NAALADL2: variants seen among roughly 807,000 people sequenced by gnomAD.
The protein encoded by NAALADL2 is N-acetylated alpha-linked acidic dipeptidase like 2.
Under a neutral mutation model 87.2 loss-of-function variants are expected in NAALADL2, and 76 were observed. The observed-to-expected ratio is 0.87, with a 90% CI of 0.72 to 1.05. The LOEUF is 1.05. Among genes scored for constraint, NAALADL2 ranks in the 50% least tolerant of loss-of-function variants. The probability of loss-of-function intolerance (pLI) is 0.00; values close to 1 mark genes in which losing one functional copy is unlikely to be tolerated. For missense variants in NAALADL2, 1,089 were observed against 945.8 expected (o/e 1.15, Z -1.99); for synonymous variants, 354 against 331.0 (o/e 1.07, Z -0.75).
At chr3:174,992,163 A>C (rs1440469384) in intron 1 of NAALADL2, among the ~76,000 whole-genome samples, 1 of 152,058 alleles carries the variant, frequency 6.6e-6, no homozygotes, top group African/African-American at 2.4e-5. Context: ...CAAATTAAGA[A>C]CAATCAGGAT....
At chr3:174,751,806 G>C (rs1265290387) in intron 3 of NAALADL2, among the ~76,000 whole-genome samples, 1 of 151,906 alleles carries the variant, frequency 6.6e-6, no homozygotes, top group African/African-American at 2.4e-5. Flanking sequence ...TTTGACTTAG[G>C]ATATTTCCTA....
intron 2 of NAALADL2, among the ~76,000 whole-genome samples, chr3:174,721,797 T>A (rs1165524029): frequency 6.6e-6 from 1 of 151,910 alleles, no homozygotes; most frequent in Non-Finnish European, 1.5e-5. Context: ...CCAGCTGGAG[T>A]GTGCAAGGGT....
chr3:175,794,205 G>A (rs1753171899), intron 13 of NAALADL2, among the ~76,000 whole-genome samples: 1 of 152,078 alleles, frequency 6.6e-6, no homozygotes, highest in Admixed American at 6.5e-5. Flanking sequence ...TGTCTTTGGA[G>A]GTTGACAGGT....
chr3:174,956,870 G>A (rs932748438), intron 1 of NAALADL2, among the ~76,000 whole-genome samples: 16 of 152,024 alleles, frequency 1.1e-4, no homozygotes, highest in African/African-American at 2.9e-4. Context: ...AAACAGAACA[G>A]TATTTTGCAG....
intron 9 of NAALADL2, among the ~76,000 whole-genome samples, chr3:175,496,280 CTTGTA>C (rs1424546903): frequency 6.6e-6 from 1 of 151,740 alleles, no homozygotes; most frequent in East Asian, 1.9e-4. Context: ...AACTTTAAGA[CTTGTA>C]TTATATTTTG....
chr3:174,588,964 T>C (rs1046449591), intron 2 of NAALADL2, among the ~76,000 whole-genome samples: 2 of 152,084 alleles, frequency 1.3e-5, no homozygotes, highest in Admixed American at 6.5e-5. Context: ...AGCTATGCCC[T>C]GCCCCCAGAG....
intron 3 of NAALADL2, among the ~76,000 whole-genome samples, chr3:174,848,147 A>C (rs938324669): frequency 6.6e-6 from 1 of 152,096 alleles, no homozygotes; most frequent in Non-Finnish European, 1.5e-5. Context: ...AAAGTTGTGT[A>C]ATTCAATGTA....
intron 1 of NAALADL2, among the ~76,000 whole-genome samples, chr3:174,466,832 T>A (rs965040561): frequency 1.3e-5 from 2 of 152,176 alleles, no homozygotes; most frequent in African/African-American, 4.8e-5. Flanking sequence ...AGACATTTGT[T>A]TACCCATATT....
chr3:174,894,311 C>G (rs1731225042), intron 1 of NAALADL2, among the ~76,000 whole-genome samples: 1 of 152,200 alleles, frequency 6.6e-6, no homozygotes, highest in Non-Finnish European at 1.5e-5. Flanking sequence ...GAAAATCAGG[C>G]CGGGCACAAT....
chr3:175,573,825 G>C (rs1718454539), intron 9 of NAALADL2, among the ~76,000 whole-genome samples: 1 of 152,106 alleles, frequency 6.6e-6, no homozygotes, highest in South Asian at 2.1e-4. Flanking sequence ...TGCTGGTGGG[G>C]GGTGGGGGTC....
At chr3:174,787,620 T>TATATATATATATACAC (rs1489900205) in intron 3 of NAALADL2, among the ~76,000 whole-genome samples, 2 of 117,504 alleles carry the variant, frequency 1.7e-5, no homozygotes, top group East Asian at 2.5e-4. Flanking sequence ...TATATATATA[T>TATATATATATATACAC]AGTAGTGACT....
chr3:175,252,156 C>T (rs1407715942), intron 3 of NAALADL2, among the ~76,000 whole-genome samples: 1 of 152,082 alleles, frequency 6.6e-6, no homozygotes, highest in Non-Finnish European at 1.5e-5. Context: ...TGTGTTTCAC[C>T]TTAGGGTGCT....
At chr3:174,801,418 G>A (rs1660299823) in intron 3 of NAALADL2, among the ~76,000 whole-genome samples, 1 of 152,200 alleles carries the variant, frequency 6.6e-6, no homozygotes, top group Non-Finnish European at 1.5e-5. Flanking sequence ...CTTCAGCCAT[G>A]ATTGTGAGAC....
At position 175,570,342 on chromosome 3, in the gene NAALADL2, T is replaced by G. The variant is rs1717866286; in HGVS notation, c.1654-5699T>G. Among the ~76,000 whole-genome samples, 3 of 152,130 alleles carry G rather than the reference T, an allele frequency of 2.0e-5. No homozygotes were observed. The South Asian group carries it at 6.2e-4, about 32-fold the overall frequency. ...TCAATTCAATGTTAATTTAATCTAATAACACTCTCATAGACATACTCAGAA... is the reference window on the plus strand; with the variant it reads ...TCAATTCAATGTTAATTTAATCTAAGAACACTCTCATAGACATACTCAGAA... On this transcript the variant is annotated intron_variant, in intron 9 of 13. Coordinates refer to ENST00000454872, the MANE Select transcript of NAALADL2 (RefSeq NM_207015.3).
intron 1 of NAALADL2, among the ~76,000 whole-genome samples, chr3:174,988,589 GGT>G (rs556593314): frequency 1.1e-4 from 17 of 152,244 alleles, no homozygotes; most frequent in African/African-American, 4.1e-4. Context: ...CCATGATCAA[GGT>G]GTTGGCAGAG....
intron 1 of NAALADL2, among the ~76,000 whole-genome samples, chr3:175,010,346 T>C (rs1749614483): frequency 6.6e-6 from 1 of 152,130 alleles, no homozygotes; most frequent in South Asian, 2.1e-4. Context: ...GGGATAAGTG[T>C]ACACTGGGAA....
intron 1 of NAALADL2, among the ~76,000 whole-genome samples, chr3:174,486,115 C>T (rs75772161): frequency 0.025 from 3,740 of 152,066 alleles, 140 homozygotes; most frequent in African/African-American, 0.084. Flanking sequence ...CCTGGAGACA[C>T]CTGGAATTGA....
intron 3 of NAALADL2, among the ~76,000 whole-genome samples, chr3:174,801,217 T>G (rs1718792723): frequency 6.6e-6 from 1 of 152,276 alleles, no homozygotes; most frequent in South Asian, 2.1e-4. Flanking sequence ...ATCTCTTCTG[T>G]AATTCCCATG....
intron 4 of NAALADL2, among the ~76,000 whole-genome samples, chr3:175,307,526 A>T (rs1330688214): frequency 6.6e-6 from 1 of 152,174 alleles, no homozygotes; most frequent in African/African-American, 2.4e-5. Flanking sequence ...AACATTTGAA[A>T]ATAGAATCAA....
Sources: allele counts gnomAD v4.1 joint callset (sites outside exome capture counted in the v4.1 genomes callset), GRCh38; gene constraint gnomAD v4.1.1; transcripts MANE v1.5; gene names NCBI Gene and HGNC (gene_info 2026-07-23, HGNC 2026-07-21).